The following LINGO2 variants were observed in gnomAD, a reference collection of about 807,000 sequenced individuals.
LINGO2 encodes leucine-rich repeat and immunoglobulin-like domain-containing nogo receptor-interacting protein 2.
Under a neutral mutation model 30.6 loss-of-function variants are expected in LINGO2, and 14 were observed. The observed-to-expected ratio is 0.46, with a 90% CI of 0.30 to 0.72. LINGO2 has a LOEUF of 0.72. Ranked by LOEUF, LINGO2 falls within the 30% of genes least tolerant of loss-of-function variation. LINGO2 has a pLI of 0.07. For synonymous variants in LINGO2, 317 were observed against 288.5 expected (o/e 1.10, Z -1.00); for missense variants, 729 against 751.7 (o/e 0.97, Z 0.35).
chr9:29,063,361 G>A, the LINGO2 span, among the ~76,000 whole-genome samples: 5 of 151,156 alleles, frequency 3.3e-5, no homozygotes, highest in Non-Finnish European at 7.4e-5. Flanking sequence ...TCAAGCAACA[G>A]TTCTTCAGTG....
intron 3 of LINGO2, among the ~76,000 whole-genome samples, chr9:28,304,667 G>A (rs1488798332): frequency 6.6e-6 from 1 of 151,740 alleles, no homozygotes; most frequent in Non-Finnish European, 1.5e-5. Context: ...GTCTTTTTGT[G>A]GATATATGTT....
downstream of LINGO2, chr9:27,943,574 G>A (rs1436479714): frequency 1.3e-5 from 2 of 150,826 alleles, no homozygotes; most frequent in Non-Finnish European, 2.9e-5. Flanking sequence ...TATGTGAATG[G>A]TAAGTCTTAA....
intron 2 of LINGO2, among the ~76,000 whole-genome samples, chr9:28,400,798 G>A (rs1361019484): frequency 6.6e-6 from 1 of 152,134 alleles, no homozygotes; most frequent in Non-Finnish European, 1.5e-5. Context: ...AGAACAACAC[G>A]AGTAAGGTAA....
chr9:28,795,983 T>TAC, the LINGO2 span, among the ~76,000 whole-genome samples: 9,313 of 138,142 alleles, frequency 0.067, 537 homozygotes, highest in African/African-American at 0.14. Context: ...CAGTACTAGA[T>TAC]ACACACACAC....
chr9:28,710,891 G>A, the LINGO2 span, among the ~76,000 whole-genome samples: 12 of 152,114 alleles, frequency 7.9e-5, no homozygotes, highest in Non-Finnish European at 1.6e-4. Flanking sequence ...AACAGAGTGG[G>A]TATGTAATTG....
At chr9:28,064,174 C>G (rs1434365436) in intron 4 of LINGO2, among the ~76,000 whole-genome samples, 2 of 152,126 alleles carry the variant, frequency 1.3e-5, no homozygotes. Flanking sequence ...AATGTCTAAT[C>G]ACCTTACCAG....
chr9:29,024,296 G>T, the LINGO2 span, among the ~76,000 whole-genome samples: 1 of 152,056 alleles, frequency 6.6e-6, no homozygotes. Context: ...TTAACAAAAT[G>T]TAATGGCTAC....
At chr9:28,880,725 C>G in the LINGO2 span, among the ~76,000 whole-genome samples, 1 of 152,208 alleles carries the variant, frequency 6.6e-6, no homozygotes, top group Non-Finnish European at 1.5e-5. Flanking sequence ...CCTGCCTGCC[C>G]CTGGGAACTG....
At chr9:28,767,812 A>G in the LINGO2 span, among the ~76,000 whole-genome samples, 1 of 143,284 alleles carries the variant, frequency 7.0e-6, no homozygotes, top group Non-Finnish European at 1.5e-5. Context: ...AAAAAAGTTC[A>G]TGCCTTTTAG....
intron 4 of LINGO2, among the ~76,000 whole-genome samples, chr9:28,163,108 T>C (rs1402517805): frequency 6.6e-6 from 1 of 152,182 alleles, no homozygotes; most frequent in Admixed American, 6.6e-5. Context: ...TTCATATTTG[T>C]GTTTTGGAAA....
intron 5 of LINGO2, among the ~76,000 whole-genome samples, chr9:27,985,373 A>T (rs145711427): frequency 6.1e-4 from 93 of 152,028 alleles, no homozygotes; most frequent in Non-Finnish European, 6.6e-4. Context: ...TCCAACATAA[A>T]AGGTTAGGAT....
chr9:29,174,069 AT>A, the LINGO2 span, among the ~76,000 whole-genome samples: 1 of 152,090 alleles, frequency 6.6e-6, no homozygotes, highest in Non-Finnish European at 1.5e-5. Context: ...TCAATTTTAC[AT>A]TTCTGAGATA....
At chr9:28,614,558 G>C (rs142942819) in intron 1 of LINGO2, among the ~76,000 whole-genome samples, 53 of 152,150 alleles carry the variant, frequency 3.5e-4, no homozygotes, top group African/African-American at 1.1e-3. Context: ...TAAGTTGATA[G>C]TGTGAGAGAT....
intron 4 of LINGO2, among the ~76,000 whole-genome samples, chr9:28,063,842 T>A (rs1405785736): frequency 6.6e-6 from 1 of 152,150 alleles, no homozygotes; most frequent in Non-Finnish European, 1.5e-5. Context: ...GATATTGTGG[T>A]TCTGAGTACC....
chr9:29,179,881 A>G, the LINGO2 span, among the ~76,000 whole-genome samples: 1 of 152,236 alleles, frequency 6.6e-6, no homozygotes, highest in East Asian at 1.9e-4. Context: ...TTTTCAAGTC[A>G]TTGCTATAAT....
chr9:28,533,692 G>A (rs893242030), intron 1 of LINGO2, among the ~76,000 whole-genome samples: 20 of 152,120 alleles, frequency 1.3e-4, no homozygotes, highest in African/African-American at 4.8e-4. Context: ...GCTGTGTTGA[G>A]AATAAGAGAT....
At chr9:28,597,924 C>A (rs1395071829) in intron 1 of LINGO2, among the ~76,000 whole-genome samples, 1 of 151,848 alleles carries the variant, frequency 6.6e-6, no homozygotes, top group Non-Finnish European at 1.5e-5. Flanking sequence ...GGCATCATGC[C>A]CAGCTAATTT....
chr9:28,042,730 C>A (rs1054543698), intron 4 of LINGO2, among the ~76,000 whole-genome samples: 4 of 152,168 alleles, frequency 2.6e-5, no homozygotes, highest in Non-Finnish European at 5.9e-5. Context: ...CATTCATGTT[C>A]TGCAATCAAT....
At chr9:28,708,236 T>C in the LINGO2 span, among the ~76,000 whole-genome samples, 1 of 152,148 alleles carries the variant, frequency 6.6e-6, no homozygotes, top group Non-Finnish European at 1.5e-5. Context: ...AAAAGATATA[T>C]TCTTTAATGC....
Sources: gnomAD v4.1 joint callset for allele counts (sites outside exome capture counted in the v4.1 genomes callset) on GRCh38, gnomAD v4.1.1 for gene constraint, MANE v1.5 for transcripts, NCBI Gene and HGNC (gene_info 2026-07-23, HGNC 2026-07-21) for gene names.